Variants in OR56A3 observed in about 807,000 individuals in gnomAD.
OR56A3 encodes olfactory receptor family 56 subfamily A member 3, also known as olfactory receptor 56A3.
OR56A3 carries 23 observed loss-of-function variants against 17.5 expected under a neutral mutation model. The ratio of observed to expected loss-of-function variants is 1.32; its 90% CI spans 0.95 to 1.87. The LOEUF is 1.87. Ranked by LOEUF, OR56A3 falls within the 40% of genes most tolerant of loss-of-function variation. OR56A3 has a pLI of 0.00. For missense variants in OR56A3, 366 were observed against 380.1 expected (o/e 0.96, Z 0.31); for synonymous variants, 175 against 150.6 (o/e 1.16, Z -1.19).
chr11:6,014,989 CAAAAAAAAAA>C, the OR56A3 span, among the ~76,000 whole-genome samples: 18 of 35,200 alleles, frequency 5.1e-4, 1 homozygote, highest in South Asian at 0.016. Flanking sequence ...TATTCATGGG[CAAAAAAAAAA>C]AAAAAAAAAA....
At chr11:5,990,198 A>G in the OR56A3 span, among the ~76,000 whole-genome samples, 3 of 152,230 alleles carry the variant, frequency 2.0e-5, no homozygotes, top group Admixed American at 2.0e-4. Flanking sequence ...GTGAGTAATC[A>G]GTAATGTTGG....
At chr11:5,982,199 A>G in the OR56A3 span, among the ~76,000 whole-genome samples, 1 of 152,178 alleles carries the variant, frequency 6.6e-6, no homozygotes, top group African/African-American at 2.4e-5. Flanking sequence ...GCATGGTGGC[A>G]GTGGCAGTGC....
the OR56A3 span, among the ~76,000 whole-genome samples, chr11:5,975,103 T>C: frequency 1.3e-5 from 2 of 152,202 alleles, no homozygotes; most frequent in Admixed American, 6.5e-5. Context: ...GTCATCAGTA[T>C]AAAGAGAGAG....
At chr11:6,005,176 G>A in the OR56A3 span, among the ~76,000 whole-genome samples, 1 of 152,130 alleles carries the variant, frequency 6.6e-6, no homozygotes. Context: ...CGTAACTTTA[G>A]GTGTTATTGT....
At chr11:5,980,687 T>A in the OR56A3 span, among the ~76,000 whole-genome samples, 6 of 152,184 alleles carry the variant, frequency 3.9e-5, no homozygotes, top group Admixed American at 1.3e-4. Context: ...TTCTCAAGGT[T>A]AATATTAATA....
At chr11:5,968,270 T>C in the OR56A3 span, 19 of 1,612,826 alleles carry the variant, frequency 1.2e-5, no homozygotes, top group African/African-American at 8.0e-5. Context: ...TGAGGCAGAG[T>C]ACGATGTCCA....
In OR56A3 at chr11:5,947,487, C is replaced by T. The variant is rs778518713; in HGVS notation, c.141C>T (p.Thr47=). Residue 47 remains threonine (T), a synonymous_variant, in exon 3 of 3, where the codon ACC becomes ACT. Coordinates refer to ENST00000641160, the MANE Select transcript of OR56A3 (RefSeq NM_001003443.3). ...TCCTCTTGGCCGTAGGGGCCAACAC[C>T]ACCCTCCTGATGACCATCTGGCTGG... is the stretch of plus-strand genomic sequence containing the variant. ...LLFLLAVGAN[T]TLLMTIWLEA... is the part of the protein sequence containing the mutation. 1 of 1,614,024 alleles carries T rather than the reference C, an allele frequency of 6.2e-7. No homozygotes were observed. Among genetic ancestry groups the T allele is most frequent in the African/African-American group, 1.3e-5 (1 of 75,040 alleles).
chr11:5,961,137 G>A, the OR56A3 span, among the ~76,000 whole-genome samples: 1 of 150,290 alleles, frequency 6.7e-6, no homozygotes, highest in African/African-American at 2.4e-5. Flanking sequence ...GAGGTGGGGG[G>A]CAGCCCCCGC....
chr11:5,962,374 C>A, the OR56A3 span, among the ~76,000 whole-genome samples: 8 of 152,124 alleles, frequency 5.3e-5, no homozygotes, highest in Non-Finnish European at 4.4e-5. Flanking sequence ...GTGTTCTCAT[C>A]TAGTTTTGGT....
the OR56A3 span, among the ~76,000 whole-genome samples, chr11:5,982,268 G>A: frequency 6.6e-6 from 1 of 152,176 alleles, no homozygotes; most frequent in Non-Finnish European, 1.5e-5. Context: ...CATTGGCAGT[G>A]GAAGGGTGGT....
At chr11:5,968,594 T>C in the OR56A3 span, 1 of 919,952 alleles carries the variant, frequency 1.1e-6, no homozygotes, top group South Asian at 1.7e-5. Context: ...TTTGCTAACA[T>C]TTTCTAATTT....
At chr11:5,961,474 G>A in the OR56A3 span, among the ~76,000 whole-genome samples, 1 of 152,152 alleles carries the variant, frequency 6.6e-6, no homozygotes, top group Admixed American at 6.5e-5. Context: ...TCTGAAACAG[G>A]TGCTGTGTCC....
the OR56A3 span, among the ~76,000 whole-genome samples, chr11:5,991,216 G>A: frequency 5.3e-5 from 8 of 152,160 alleles, no homozygotes; most frequent in East Asian, 3.9e-4. Flanking sequence ...ATCTACATAC[G>A]CAATACATAT....
the OR56A3 span, among the ~76,000 whole-genome samples, chr11:6,015,123 A>T: frequency 1.3e-5 from 2 of 151,994 alleles, no homozygotes; most frequent in Non-Finnish European, 2.9e-5. Flanking sequence ...TCAGGGAGGC[A>T]TTCAAGCAGG....
chr11:5,947,343 A>G lies in OR56A3; in HGVS notation c.-4A>G. 1.3e-6 allele frequency: 2 copies of G among 1,575,144 alleles called. No homozygotes were observed. The highest frequency in any genetic ancestry group is 1.7e-6 in the Non-Finnish European group (2 of 1,158,504). On this transcript the variant is annotated 5_prime_UTR_variant, in exon 3 of 3. Transcript: ENST00000641160. ...AAAGAAAGCAGTAAAATATATGGGAAAATATGACAACACACCGAAATGACA... is the reference window on the plus strand; with the variant it reads ...AAAGAAAGCAGTAAAATATATGGGAGAATATGACAACACACCGAAATGACA...
At chr11:6,011,207 T>TAC in the OR56A3 span, among the ~76,000 whole-genome samples, 60 of 147,592 alleles carry the variant, frequency 4.1e-4, no homozygotes, top group South Asian at 2.1e-3. Context: ...ATTTATTTTA[T>TAC]ATATATATAT....
At chr11:5,974,403 C>G in the OR56A3 span, among the ~76,000 whole-genome samples, 3 of 152,136 alleles carry the variant, frequency 2.0e-5, no homozygotes, top group Admixed American at 2.0e-4. Context: ...CCGCACCTGG[C>G]CTCTTTATTA....
At chr11:6,011,609 T>C in the OR56A3 span, among the ~76,000 whole-genome samples, 1 of 152,140 alleles carries the variant, frequency 6.6e-6, no homozygotes, top group African/African-American at 2.4e-5. Context: ...TATGGGATCT[T>C]TGGGGTGTCG....
At chr11:5,986,785 A>G in the OR56A3 span, 3 of 1,614,034 alleles carry the variant, frequency 1.9e-6, no homozygotes. Flanking sequence ...AAGGATGCCC[A>G]GGGGCAGTGC....
Sources: allele counts gnomAD v4.1 joint callset (sites outside exome capture counted in the v4.1 genomes callset), GRCh38; gene constraint gnomAD v4.1.1; transcripts MANE v1.5; gene names NCBI Gene and HGNC (gene_info 2026-07-23, HGNC 2026-07-21).